The following PHACTR1 variants were observed in gnomAD, a reference collection of about 807,000 sequenced individuals.
PHACTR1 encodes RPEL repeat containing 1.
Under a neutral mutation model 69.2 loss-of-function variants are expected in PHACTR1, and 16 were observed. That is an observed-to-expected ratio of 0.23 (90% CI 0.16 to 0.35). The LOEUF is 0.35. Ranked by LOEUF, PHACTR1 falls within the 10% of genes least tolerant of loss-of-function variation. The probability of loss-of-function intolerance (pLI) is 1.00; values close to 1 mark genes in which losing one functional copy is unlikely to be tolerated. For synonymous variants in PHACTR1, 312 were observed against 284.5 expected, an observed-to-expected ratio of 1.10 and a Z score of -0.97; for missense variants, 510 against 734.7, an observed-to-expected ratio of 0.69 and a Z score of 3.54.
intron 5 of PHACTR1, among the ~76,000 whole-genome samples, chr6:13,078,084 A>G (rs1000895282): frequency 6.6e-6 from 1 of 152,124 alleles, no homozygotes; most frequent in Non-Finnish European, 1.5e-5. Context: ...GCTGGATTCT[A>G]TCATGTCTCA....
At chr6:13,177,155 T>C (rs1234812470) in intron 6 of PHACTR1, among the ~76,000 whole-genome samples, 1 of 59,170 alleles carries the variant, frequency 1.7e-5, no homozygotes, top group Admixed American at 2.3e-4. Context: ...CTTGGCAAAA[T>C]AGCAAGACCC....
At chr6:12,927,712 A>G (rs1788421656) in intron 4 of PHACTR1, among the ~76,000 whole-genome samples, 1 of 152,222 alleles carries the variant, frequency 6.6e-6, no homozygotes, top group African/African-American at 2.4e-5. Flanking sequence ...CCGTGATGAC[A>G]ATGCCTGGGG....
At chr6:13,011,050 T>G (rs1443874725) in intron 4 of PHACTR1, among the ~76,000 whole-genome samples, 1 of 152,198 alleles carries the variant, frequency 6.6e-6, no homozygotes, top group Admixed American at 6.5e-5. Context: ...TTCACACACA[T>G]TCTGTTGTAA....
chr6:13,258,370 A>AAAC (rs1435185332), intron 10 of PHACTR1, among the ~76,000 whole-genome samples: 2 of 151,702 alleles, frequency 1.3e-5, no homozygotes, highest in Non-Finnish European at 2.9e-5. Context: ...AAGAAAAAAA[A>AAAC]AAAACAGTGC....
intron 4 of PHACTR1, among the ~76,000 whole-genome samples, chr6:12,887,446 C>T (rs1269968573): frequency 2.0e-5 from 3 of 152,136 alleles, no homozygotes; most frequent in South Asian, 2.1e-4. Context: ...GAAAACCTGC[C>T]GGCTAAGCTA....
chr6:12,952,834 A>T (rs1255550830), intron 4 of PHACTR1, among the ~76,000 whole-genome samples: 2 of 152,238 alleles, frequency 1.3e-5, no homozygotes, highest in Admixed American at 1.3e-4. Context: ...CACCAGCAAT[A>T]AATGAGGGTT....
intron 4 of PHACTR1, among the ~76,000 whole-genome samples, chr6:12,858,806 A>T (rs1780656350): frequency 1.1e-5 from 1 of 88,244 alleles, no homozygotes; most frequent in African/African-American, 3.1e-5. Flanking sequence ...CAACACATAC[A>T]TACACACACA....
At chr6:13,272,226 A>G (rs1356493187) in intron 10 of PHACTR1, 1 of 152,420 alleles carries the variant, frequency 6.6e-6, no homozygotes, top group African/African-American at 2.4e-5. Context: ...CCATTGCGTC[A>G]TTGCAGGCTC....
chr6:12,946,897 C>T (rs1304005941), intron 4 of PHACTR1, among the ~76,000 whole-genome samples: 2 of 148,162 alleles, frequency 1.3e-5, no homozygotes, highest in Non-Finnish European at 3.0e-5. Context: ...ACTGCAACCT[C>T]CACCTCCCCG....
chr6:12,997,138 G>A (rs1797515501), intron 4 of PHACTR1, among the ~76,000 whole-genome samples: 1 of 151,668 alleles, frequency 6.6e-6, no homozygotes, highest in African/African-American at 2.4e-5. Flanking sequence ...TTGCACTCTA[G>A]CCTGGGCAGC....
At chr6:12,900,806 T>G (rs1040069191) in intron 4 of PHACTR1, among the ~76,000 whole-genome samples, 1 of 152,264 alleles carries the variant, frequency 6.6e-6, no homozygotes, top group Non-Finnish European at 1.5e-5. Context: ...TCACTAATCA[T>G]TCCTAACTCT....
intron 6 of PHACTR1, among the ~76,000 whole-genome samples, chr6:13,180,817 A>G (rs556661421): frequency 6.6e-6 from 1 of 152,194 alleles, no homozygotes; most frequent in Non-Finnish European, 1.5e-5. Flanking sequence ...ATAGCGACAC[A>G]CTGACGCTCA....
intron 5 of PHACTR1, among the ~76,000 whole-genome samples, chr6:13,108,106 C>G (rs1227915586): frequency 6.6e-6 from 1 of 151,910 alleles, no homozygotes; most frequent in African/African-American, 2.4e-5. Flanking sequence ...TGAATATTTT[C>G]TAGTTTCTTT....
chr6:12,813,340 A>G (rs1040497633), intron 4 of PHACTR1, among the ~76,000 whole-genome samples: 9 of 152,120 alleles, frequency 5.9e-5, no homozygotes, highest in Non-Finnish European at 1.3e-4. Context: ...AACCAGCTTC[A>G]GGGGGGTCTA....
intron 4 of PHACTR1, among the ~76,000 whole-genome samples, chr6:13,023,697 C>T (rs189724514): frequency 2.0e-5 from 3 of 152,292 alleles, no homozygotes; most frequent in Non-Finnish European, 4.4e-5. Context: ...AGCACTGCTC[C>T]CTGTCTATGA....
At chr6:13,031,798 G>A (rs934299670) in intron 4 of PHACTR1, among the ~76,000 whole-genome samples, 2 of 152,060 alleles carry the variant, frequency 1.3e-5, no homozygotes, top group Non-Finnish European at 2.9e-5. Context: ...TTTTCTTTTT[G>A]ACTCACCTTT....
intron 6 of PHACTR1, among the ~76,000 whole-genome samples, chr6:13,172,915 G>A (rs9349494): frequency 0.22 from 33,133 of 152,226 alleles, 4,688 homozygotes; most frequent in East Asian, 0.43. Context: ...AGATGCCTGC[G>A]TGAGGCAGAA....
chr6:13,143,749 AC>A (rs1822863834), intron 5 of PHACTR1, among the ~76,000 whole-genome samples: 1 of 152,118 alleles, frequency 6.6e-6, no homozygotes, highest in South Asian at 2.1e-4. Flanking sequence ...TGGTAATGAT[AC>A]CATAAGACAG....
intron 4 of PHACTR1, among the ~76,000 whole-genome samples, chr6:13,012,463 T>C (rs1799549396): frequency 6.6e-6 from 1 of 152,260 alleles, no homozygotes; most frequent in Admixed American, 6.5e-5. Context: ...ACTGACACTA[T>C]TCCAGTAGGT....
Sources: gnomAD v4.1 joint callset for allele counts (sites outside exome capture counted in the v4.1 genomes callset) on GRCh38, gnomAD v4.1.1 for gene constraint, MANE v1.5 for transcripts, NCBI Gene and HGNC (gene_info 2026-07-23, HGNC 2026-07-21) for gene names.